Variants in LNX1 observed in about 807,000 individuals in gnomAD.
LNX1 encodes the protein ligand of numb-protein X 1.
In LNX1, 54 loss-of-function variants were observed where a neutral mutation model predicts 68.4. The observed-to-expected ratio is 0.79, with a 90% CI of 0.63 to 0.99. The LOEUF is 0.99. Ranked by LOEUF, LNX1 falls within the 50% of genes least tolerant of loss-of-function variation. The probability of loss-of-function intolerance (pLI) is 0.00; values close to 1 mark genes in which losing one functional copy is unlikely to be tolerated. For missense variants in LNX1, 906 were observed against 926.4 expected, an observed-to-expected ratio of 0.98 and a Z score of 0.29; for synonymous variants, 336 against 350.0, an observed-to-expected ratio of 0.96 and a Z score of 0.45.
chr4:53,475,903 G>C (rs1407521034), intron 9 of LNX1, among the ~76,000 whole-genome samples: 2 of 152,172 alleles, frequency 1.3e-5, no homozygotes, highest in African/African-American at 4.8e-5. Flanking sequence ...GCCCTAAGGA[G>C]AGATGATCTA....
chr4:53,514,309 G>C (rs767147305), intron 2 of LNX1, among the ~76,000 whole-genome samples: 1 of 152,314 alleles, frequency 6.6e-6, no homozygotes, highest in East Asian at 1.9e-4. Context: ...GCTAATGAAA[G>C]AGCATGGGGT....
At chr4:53,506,952 C>T (rs1215396225) in intron 4 of LNX1, among the ~76,000 whole-genome samples, 1 of 150,112 alleles carries the variant, frequency 6.7e-6, no homozygotes, top group Non-Finnish European at 1.5e-5. Context: ...CTCAGCACCA[C>T]ACCTCAAATG....
chr4:53,580,637 A>C (rs535078431), intron 1 of LNX1, among the ~76,000 whole-genome samples: 1 of 152,220 alleles, frequency 6.6e-6, no homozygotes, highest in Admixed American at 6.5e-5. Flanking sequence ...GAAATGAAGA[A>C]GTTTTTAAAA....
At chr4:53,552,432 T>C (rs910029995) in intron 2 of LNX1, among the ~76,000 whole-genome samples, 1 of 152,226 alleles carries the variant, frequency 6.6e-6, no homozygotes, top group Non-Finnish European at 1.5e-5. Flanking sequence ...TCCACTTTTC[T>C]GTAACTAGCT....
chr4:53,590,668 A>T (rs1732455714), intron 1 of LNX1, among the ~76,000 whole-genome samples: 1 of 152,232 alleles, frequency 6.6e-6, no homozygotes. Context: ...AAAAATTAAA[A>T]ATCAGACCTG....
chr4:53,606,779 C>T (rs1733253413), intron 2 of LNX1, among the ~76,000 whole-genome samples: 1 of 152,166 alleles, frequency 6.6e-6, no homozygotes, highest in Admixed American at 6.5e-5. Context: ...GGCTTCATCC[C>T]TGGGATGCAA....
At chr4:53,497,387 G>T (rs1725142219) in intron 5 of LNX1, among the ~76,000 whole-genome samples, 1 of 152,232 alleles carries the variant, frequency 6.6e-6, no homozygotes, top group Non-Finnish European at 1.5e-5. Context: ...AATTGTTAGA[G>T]AAGGCTTGGA....
chr4:53,566,566 G>A (rs1252753599), intron 2 of LNX1, among the ~76,000 whole-genome samples: 114 of 147,798 alleles, frequency 7.7e-4, no homozygotes, highest in African/African-American at 1.6e-3. Flanking sequence ...AAAGACCATC[G>A]AGACTAGGAA....
intron 2 of LNX1, among the ~76,000 whole-genome samples, chr4:53,542,351 G>T (rs1728818719): frequency 6.6e-6 from 1 of 152,196 alleles, no homozygotes; most frequent in South Asian, 2.1e-4. Context: ...ATGGGGTAGG[G>T]GGTGGATTGA....
chr4:53,648,179 A>G (rs764459153), intron 1 of LNX1, among the ~76,000 whole-genome samples: 7 of 152,254 alleles, frequency 4.6e-5, no homozygotes, highest in Non-Finnish European at 1.0e-4. Flanking sequence ...GAACCACCAT[A>G]CCATGTTACA....
At chr4:53,504,631 A>G (rs1255663418) in intron 4 of LNX1, among the ~76,000 whole-genome samples, 4 of 152,200 alleles carry the variant, frequency 2.6e-5, no homozygotes, top group South Asian at 2.1e-4. Flanking sequence ...CTTTCAGCCT[A>G]CCTTAGCTTT....
chr4:53,470,838 T>G (rs559548543), intron 9 of LNX1, among the ~76,000 whole-genome samples: 1,723 of 151,646 alleles, frequency 0.011, 33 homozygotes, highest in African/African-American at 0.038. Context: ...TGAAATAAAA[T>G]AGGATACAAA....
chr4:53,570,695 T>TAAATAAAA (rs1266726046), intron 2 of LNX1, among the ~76,000 whole-genome samples: 1 of 149,720 alleles, frequency 6.7e-6, no homozygotes, highest in Non-Finnish European at 1.5e-5. Flanking sequence ...AATAAATAAA[T>TAAATAAAA]AAAAGAAAAA....
intron 1 of LNX1, among the ~76,000 whole-genome samples, chr4:53,644,347 A>G (rs1734801899): frequency 6.6e-6 from 1 of 152,182 alleles, no homozygotes; most frequent in Non-Finnish European, 1.5e-5. Flanking sequence ...GGTTGCAGTG[A>G]GCCGAGATCA....
intron 5 of LNX1, among the ~76,000 whole-genome samples, chr4:53,498,323 G>C (rs1435052854): frequency 6.6e-6 from 1 of 152,068 alleles, no homozygotes; most frequent in African/African-American, 2.4e-5. Context: ...AGAAAGAGGA[G>C]GTGGAGAAAG....
intron 1 of LNX1, among the ~76,000 whole-genome samples, chr4:53,635,709 A>G (rs75857635): frequency 0.11 from 17,432 of 152,220 alleles, 1,162 homozygotes; most frequent in Non-Finnish European, 0.16. Context: ...GGAAGAAACA[A>G]CCAAGAGATT....
chr4:53,640,767 T>C (rs1414745167), intron 1 of LNX1, among the ~76,000 whole-genome samples: 1 of 152,192 alleles, frequency 6.6e-6, no homozygotes, highest in Non-Finnish European at 1.5e-5. Flanking sequence ...TGGAGGGCCT[T>C]TGAAGGCAGT....
At chr4:53,652,213 A>C (rs1053193193) in exon 1 of LNX1, 3 of 152,096 alleles carry the variant, frequency 2.0e-5, no homozygotes, top group African/African-American at 7.2e-5. Flanking sequence ...ACGTCTCAGG[A>C]GATAGTCCGT....
At chr4:53,581,227 A>G (rs1012645618) in intron 1 of LNX1, among the ~76,000 whole-genome samples, 1 of 152,212 alleles carries the variant, frequency 6.6e-6, no homozygotes, top group Non-Finnish European at 1.5e-5. Flanking sequence ...CCTGATATGT[A>G]CATTTTTATT....
Sources: allele counts gnomAD v4.1 joint callset (sites outside exome capture counted in the v4.1 genomes callset), GRCh38; gene constraint gnomAD v4.1.1; transcripts MANE v1.5; gene names NCBI Gene and HGNC (gene_info 2026-07-23, HGNC 2026-07-21).